The following APC2 variants were observed in gnomAD, a reference collection of about 807,000 sequenced individuals.
APC2 encodes the protein APC regulator of Wnt signaling pathway 2, also known as adenomatous polyposis coli protein 2.
A neutral mutation model predicts 72.5 loss-of-function variants in APC2; 41 were observed. The observed-to-expected ratio is 0.57, with a 90% confidence interval of 0.44 to 0.73. APC2 has a LOEUF of 0.73. Ranked by LOEUF, APC2 falls within the 30% of genes least tolerant of loss-of-function variation. The pLI, the probability that APC2 is intolerant of heterozygous loss-of-function variation, is 0.00. For missense variants in APC2, 3,729 were observed against 3,403.4 expected, an observed-to-expected ratio of 1.10 and a Z score of -2.38; for synonymous variants, 1,898 against 1,612.0, an observed-to-expected ratio of 1.18 and a Z score of -4.25.
Position 1,465,671 on chromosome 19 carries a change from C to T in APC2, c.2370C>T (p.Ala790=), listed in dbSNP as rs774618117. ...ATGCACCGTCATCCCTGGCTGCGGC[C>T]GCGGCCACCGGGGAGCCAGCCAGCC... ...DDDAPSSLAA[A]AATGEPASPA... The change falls in exon 15 of 15, where the codon GCC becomes GCT. Residue 790 remains alanine, a synonymous_variant. Transcript: ENST00000590469. 1.3e-6 allele frequency: 2 copies of T among 1,597,154 alleles called. No individual in the cohort carries two copies. Among genetic ancestry groups the T allele is most frequent in the Non-Finnish European group, 1.7e-6 (2 of 1,173,522 alleles).
chr19:1,456,361 C>A lies in APC2; in HGVS notation c.773C>A (p.Pro258His). 2 of 1,609,226 alleles carry A rather than the reference C, an allele frequency of 1.2e-6. No individual in the cohort carries two copies. The highest frequency in any genetic ancestry group is 2.2e-5 in the East Asian group (1 of 44,734). Residue 258 changes from proline (P) to histidine (H), a missense_variant, in exon 8 of 15, where the codon CCC (proline) becomes CAC (histidine). By Grantham distance (77) the Pro-to-His change is moderately conservative (BLOSUM62 -2). Coordinates refer to ENST00000590469, the MANE Select transcript of APC2 (RefSeq NM_005883.3). Reference protein sequence around the residue: ...PVDEDPETEVPTHPEDGTPQP... With the variant: ...PVDEDPETEVHTHPEDGTPQP... ...GACGAGGACCCCGAGACAGAGGTCC[C>A]CACACACCCTGAGGATGGCACCCCT... is the stretch of plus-strand genomic sequence containing the variant.
rs1382669995 is a variant in APC2, at chr19:1,471,822, C to G, written c.*1609C>G. The G allele has an allele frequency of 1.3e-5, 2 of 152,390 alleles. No homozygotes were observed. The highest frequency in any genetic ancestry group is 4.8e-5 in the African/African-American group (2 of 41,450). 9.4% of individuals were successfully genotyped at this position (152,390 alleles called of 1,614,324 possible). ...CCTTTCTGGCAGAAGGAGCTGTCCT[C>G]AACTCAGGGCCGCTGTGAGCAAAGC... is the stretch of plus-strand genomic sequence containing the variant. On this transcript the variant is annotated 3_prime_UTR_variant, in exon 15 of 15. Transcript: ENST00000590469.
chr19:1,461,830 GGAGA>G, intron 13 of APC2, 129 bp from the exon 14 acceptor site: 1 of 726,602 alleles, frequency 1.4e-6, no homozygotes, highest in African/African-American at 1.8e-5. Flanking sequence ...CCAGCCTGGG[GGAGA>G]GAGTGAGATT....
rs2084150816 is a variant in APC2, at chr19:1,472,467, G to A, written c.*2254G>A. On this transcript the variant is annotated 3_prime_UTR_variant, in exon 15 of 15. Coordinates refer to ENST00000590469, the MANE Select transcript of APC2 (RefSeq NM_005883.3). ...TGGGGAACTCCCAGAGCTACCTCTT[G>A]GGGGAGCGTGGTGGCAGCGATGATG... 1 of 152,382 alleles carries A rather than the reference G, an allele frequency of 6.6e-6. No homozygotes were observed. Among genetic ancestry groups the A allele is most frequent in the East Asian group, 1.9e-4 (1 of 5,174 alleles). 9.4% of individuals were successfully genotyped at this position (152,382 alleles called of 1,614,324 possible). A position where few individuals can be genotyped will look rare whatever the true frequency, so the allele number is the denominator to read the frequency against.
intron 11 of APC2, 48 bp from the exon 12 acceptor site, chr19:1,460,732 C>G: frequency 6.4e-7 from 1 of 1,572,388 alleles, no homozygotes; most frequent in East Asian, 2.3e-5. Flanking sequence ...GGGGCACAGT[C>G]TCCCTTGTGT....
At position 1,470,273 on chromosome 19, in the gene APC2, C is replaced by A; in HGVS notation, c.*60C>A. 8.0e-6 allele frequency: 12 copies of A among 1,498,338 alleles called. No individual in the cohort carries two copies. The highest frequency in any genetic ancestry group is 9.8e-6 in the Non-Finnish European group (11 of 1,126,234). 92.8% of individuals were successfully genotyped at this position (1,498,338 alleles called of 1,614,324 possible). On this transcript the variant is annotated 3_prime_UTR_variant, in exon 15 of 15. Transcript: ENST00000590469. ...GGCCCTGCGGCGCGGTCTGGCTGCC[C>A]CATGGGCCTGCGCTGTAGACGTCCC...
chr19:1,454,358 CTT>C (rs1599133312), intron 4 of APC2, among the ~76,000 whole-genome samples: 2 of 110,384 alleles, frequency 1.8e-5, no homozygotes, highest in East Asian at 2.6e-4. Flanking sequence ...AAAGGAATTG[CTT>C]TCTCTTTTTT....
In APC2 at chr19:1,467,263, G is replaced by A. The variant is rs1400883326; in HGVS notation, c.3962G>A (p.Arg1321Gln). ...AGLHFAGHRR[R>Q]EEGPAPTGSR... is the part of the protein sequence containing the mutation. Reference sequence around the variant, plus strand: ...CTCCACTTTGCAGGGCACCGGCGGCGGGAGGAGGGGCCGGCGCCCACGGGT... The same window carrying A: ...CTCCACTTTGCAGGGCACCGGCGGCAGGAGGAGGGGCCGGCGCCCACGGGT... The change falls in exon 15 of 15, where the codon CGG (arginine) becomes CAG (glutamine). Residue 1321 changes from arginine to glutamine, a missense_variant. Transcript: ENST00000590469. 8.4e-6 allele frequency: 11 copies of A among 1,304,764 alleles called. No homozygotes were observed. The Admixed American group carries it at 2.1e-4, about 25-fold the overall frequency. The allele number at this position is 1,304,764 out of a possible 1,614,324, so 80.8% of individuals were successfully genotyped here.
At position 1,465,785 on chromosome 19, in the gene APC2, G is replaced by A. The variant is rs757641275; in HGVS notation, c.2484G>A (p.Glu828=). The A allele has an allele frequency of 3.8e-6, 6 of 1,576,742 alleles. No individual in the cohort carries two copies. In the African/African-American group the frequency reaches 5.4e-5, roughly 14 times the overall value. The stretch of plus-strand genomic sequence containing the variant: ...CGCCCACCCGCCGAGGCGGCAAGGA[G>A]GCAGAGAAGGACACCAGTGGGGAGG... ...RTPPTRRGGK[E]AEKDTSGEAA... Residue 828 remains glutamate, a synonymous_variant, in exon 15 of 15, where the codon GAG becomes GAA. Transcript: ENST00000590469.
chr19:1,446,477 T>C, upstream of APC2: 1 of 608,270 alleles, frequency 1.6e-6, no homozygotes, highest in Non-Finnish European at 2.1e-6. The surrounding 1 kb of genome is among the most constrained non-coding windows in gnomAD (Gnocchi z 6.1). Flanking sequence ...GAGTCGGGGG[T>C]CTAGTGCCGT....
rs2084078179 is a variant in APC2 at position 1,468,898 on chromosome 19, C to G, written c.5597C>G (p.Ala1866Gly). The change falls in exon 15 of 15, where the codon GCC becomes GGC. Residue 1866 changes from alanine to glycine, a missense_variant. By Grantham distance (60) the Ala-to-Gly change is moderately conservative. Transcript: ENST00000590469. Reference sequence around the variant, plus strand: ...CCCCCCAGAAGCGCCACACCGCCCGCCCGCCTCGCCAAGACCCCCTCCTCC... The same window carrying G: ...CCCCCCAGAAGCGCCACACCGCCCGGCCGCCTCGCCAAGACCCCCTCCTCC... ...SQPPRSATPP[A>G]RLAKTPSSSS... The G allele has an allele frequency of 1.3e-6, 2 of 1,522,390 alleles. No homozygotes were observed. The highest frequency in any genetic ancestry group is 2.4e-5 in the South Asian group (2 of 81,666). 94.3% of individuals were successfully genotyped at this position (1,522,390 alleles called of 1,614,324 possible).
At position 1,465,838 on chromosome 19, in the gene APC2, A is replaced by G. The variant is rs777602207; in HGVS notation, c.2537A>G (p.Lys846Arg). The G allele has an allele frequency of 8.1e-5, 128 of 1,578,172 alleles. No homozygotes were observed. The highest frequency in any genetic ancestry group is 1.1e-4 in the Non-Finnish European group (125 of 1,163,668). ...GCCGTGGCGGCCAAGGCCAAGGCCAAGCTGGCGCTTGCAGTGGCGCGCATC... is the reference window on the plus strand; with the variant it reads ...GCCGTGGCGGCCAAGGCCAAGGCCAGGCTGGCGCTTGCAGTGGCGCGCATC... ...EAAVAAKAKA[K>R]LALAVARIDQ... Residue 846 changes from lysine to arginine, a missense_variant, in exon 15 of 15, where the codon AAG becomes AGG. Lys to Arg is a conservative substitution (Grantham distance 26). Transcript: ENST00000590469.
At chr19:1,450,049 G>T, upstream of APC2, 1 of 864,552 alleles carries the variant, frequency 1.2e-6, no homozygotes, top group Non-Finnish European at 1.4e-6. Context: ...TGTTGCCATG[G>T]CACCAGCCCG....
rs1244555909 is a variant in APC2, at chr19:1,467,488, C to T, written c.4187C>T (p.Thr1396Met). The part of the protein sequence containing the change: ...DDSCTDSAEG[T>M]PVNFSSAASL... ...TCCTGCACTGACTCCGCGGAGGGCA[C>T]GCCGGTCAACTTCTCTAGCGCCGCC... The change falls in exon 15 of 15, where the codon ACG becomes ATG. Residue 1396 changes from threonine (T) to methionine (M), a missense_variant. Thr to Met is a moderately conservative substitution (Grantham distance 81). Coordinates refer to ENST00000590469, the MANE Select transcript of APC2 (RefSeq NM_005883.3). The T allele has an allele frequency of 2.1e-6, 3 of 1,456,858 alleles. No individual in the cohort carries two copies. Among genetic ancestry groups the T allele is most frequent in the South Asian group, 2.7e-5 (2 of 74,550 alleles). 90.2% of individuals were successfully genotyped at this position (1,456,858 alleles called of 1,614,324 possible). A position where few individuals can be genotyped will look rare whatever the true frequency, so the allele number is the denominator to read the frequency against.
Position 1,465,915 on chromosome 19 carries a change from T to C in APC2, c.2614T>C (p.Phe872Leu), listed in dbSNP as rs762078335. ...SALHTSSDDS[F>L]SLSSGDPGQE... ...CCTGCACACCTCGTCCGACGATAGC[T>C]TCAGCCTCAGCTCTGGAGACCCGGG... The change falls in exon 15 of 15, where the codon TTC (phenylalanine) becomes CTC (leucine). Residue 872 changes from phenylalanine to leucine, a missense_variant. Transcript: ENST00000590469. 1.7e-5 allele frequency: 27 copies of C among 1,585,852 alleles called. No homozygotes were observed. The highest frequency in any genetic ancestry group is 2.1e-5 in the Non-Finnish European group (24 of 1,169,994).
upstream of APC2, among the ~76,000 whole-genome samples, chr19:1,447,736 C>T (rs2083700064): frequency 6.6e-6 from 1 of 152,130 alleles, no homozygotes; most frequent in African/African-American, 2.4e-5. Flanking sequence ...GGTCTCAGCC[C>T]CCATGTACCC....
chr19:1,458,003 T>G lies in APC2; in HGVS notation c.1246T>G (p.Cys416Gly), dbSNP rs2083865382. The G allele has an allele frequency of 6.4e-7, 1 of 1,566,290 alleles. No individual in the cohort carries two copies. The highest frequency in any genetic ancestry group is 1.2e-5 in the South Asian group (1 of 85,242). The change falls in exon 10 of 15, where the codon TGT becomes GGT. Residue 416 changes from cysteine (C) to glycine (G), a missense_variant. Physicochemically the swap from Cys to Gly is radical, Grantham distance 159 (BLOSUM62 -3). Transcript: ENST00000590469. ...PIEPQICQAT[C>G]AVMKLSFDEE... ...CGAGCCGCAGATCTGCCAGGCCACCTGTGCTGTTATGAAGCTGTCCTTTGA... is the reference window on the plus strand; with the variant it reads ...CGAGCCGCAGATCTGCCAGGCCACCGGTGCTGTTATGAAGCTGTCCTTTGA...
At chr19:1,457,898 G>GGGGGGGGGGGTGGGGGGGGGGGGGGGGGA (rs1555675929) in intron 9 of APC2, 67 bp from the exon 10 acceptor site, 1 of 1,430,168 alleles carries the variant, frequency 7.0e-7, no homozygotes, top group Non-Finnish European at 9.4e-7. Flanking sequence ...CGGGTTGCGG[G>GGGGGGGGGGGTGGGGGGGGGGGGGGGGGA]ACCTTCGGGA....
chr19:1,461,616 G>C lies in APC2; in HGVS notation c.1639-347G>C, dbSNP rs543190440. The C allele has an allele frequency of 8.3e-4, 263 of 318,138 alleles. 3 individuals carry two copies. In the Admixed American group the frequency reaches 0.011, roughly 14 times the overall value. The allele number at this position is 318,138 out of a possible 1,614,324, so 19.7% of individuals were successfully genotyped here. On this transcript the variant is annotated intron_variant, in intron 13 of 14. Transcript: ENST00000590469. Reference sequence around the variant, plus strand: ...GCCTGTAATCCCAGCACTTTGGGAGGCCGAGGCGGGCGGATCACAAGGTCA... The same window carrying C: ...GCCTGTAATCCCAGCACTTTGGGAGCCCGAGGCGGGCGGATCACAAGGTCA...
Sources: gnomAD v4.1 joint callset for allele counts (sites outside exome capture counted in the v4.1 genomes callset) on GRCh38, gnomAD v4.1.1 for gene constraint, Gnocchi (gnomAD v3.1) non-coding constraint, MANE v1.5 for transcripts, NCBI Gene and HGNC (gene_info 2026-07-23, HGNC 2026-07-21) for gene names.